Variants in LITAF observed in about 807,000 individuals in gnomAD.
The protein encoded by LITAF is lipopolysaccharide induced TNF factor.
In LITAF, 9 loss-of-function variants were observed where a neutral mutation model predicts 14.5. That is an observed-to-expected ratio of 0.62 (90% CI 0.37 to 1.08). The LOEUF (loss-of-function observed/expected upper bound fraction) is 1.08, where lower values mean the gene tolerates loss of function less well. LITAF is among the 50% of genes least tolerant of loss of function. LITAF has a pLI of 0.01. For synonymous variants in LITAF, 98 were observed against 88.2 expected (o/e 1.11, Z -0.62); for missense variants, 206 against 213.4 (o/e 0.97, Z 0.22).
At chr16:11,555,673 A>G (rs1054736611) in intron 2 of LITAF, among the ~76,000 whole-genome samples, 4 of 149,526 alleles carry the variant, frequency 2.7e-5, no homozygotes, top group Admixed American at 2.0e-4. Flanking sequence ...AAAAAAAAAA[A>G]GAAAAAGAAA....
chr16:11,609,435 A>T (rs1187151241), intron 3 of LITAF, among the ~76,000 whole-genome samples: 2 of 151,908 alleles, frequency 1.3e-5, no homozygotes, highest in African/African-American at 2.4e-5. Flanking sequence ...GCTGGTCTTG[A>T]ACTCCTGACC....
At chr16:11,552,731 T>C (rs1177925962) in intron 3 of LITAF, among the ~76,000 whole-genome samples, 3 of 152,104 alleles carry the variant, frequency 2.0e-5, no homozygotes, top group Non-Finnish European at 4.4e-5. Flanking sequence ...TTCAGAACAC[T>C]GGGGAGCGTG....
At chr16:11,582,107 A>G (rs1380662203) in intron 1 of LITAF, among the ~76,000 whole-genome samples, 1 of 152,172 alleles carries the variant, frequency 6.6e-6, no homozygotes, top group African/African-American at 2.4e-5. Flanking sequence ...TCACAACACA[A>G]AGAAATGATA....
intron 1 of LITAF, among the ~76,000 whole-genome samples, chr16:11,594,746 C>T (rs919127698): frequency 2.0e-5 from 3 of 151,794 alleles, no homozygotes; most frequent in Non-Finnish European, 2.9e-5. Context: ...CATGGTGGCT[C>T]GTGCCTGTAA....
rs1023912420 is a variant in LITAF at position 11,558,932 on chromosome 16, C to T, written c.-5-2197G>A. 2.0e-5 allele frequency among the ~76,000 whole-genome samples: 3 copies of T among 152,008 alleles called. No individual in the cohort carries two copies. The highest frequency in any genetic ancestry group is 6.6e-5 in the Admixed American group (1 of 15,242). ...TGCCCAATATAGCAGCCACCAGTCA[C>T]GTAAGGTTATTGGGCGTCTAAAATG... On this transcript the variant is annotated intron_variant, in intron 1 of 3. Transcript: ENST00000622633. This position sits in a 1 kb window ranked among gnomAD's most constrained non-coding sequence, Gnocchi z 4.1.
At chr16:11,550,625 G>A (rs553721619) in intron 3 of LITAF, among the ~76,000 whole-genome samples, 5 of 152,186 alleles carry the variant, frequency 3.3e-5, no homozygotes, top group African/African-American at 1.2e-4. Flanking sequence ...TTTTGCAAAG[G>A]GACAGATAGT....
chr16:11,603,782 C>G (rs563562968), intron 3 of LITAF, among the ~76,000 whole-genome samples: 1 of 152,230 alleles, frequency 6.6e-6, no homozygotes, highest in Admixed American at 6.5e-5. Context: ...CAGGGGCTCA[C>G]GCCTGTAATC....
chr16:11,639,338 G>A (rs559089831), upstream of LITAF, among the ~76,000 whole-genome samples: 12 of 149,228 alleles, frequency 8.0e-5, no homozygotes, highest in African/African-American at 2.2e-4. Flanking sequence ...ATGGGTAGAC[G>A]AATGAATGAT....
chr16:11,575,739 G>A (rs1031595781), intron 1 of LITAF, among the ~76,000 whole-genome samples: 4 of 152,142 alleles, frequency 2.6e-5, no homozygotes, highest in Admixed American at 6.5e-5. Flanking sequence ...GTCTTCTCCC[G>A]AGAACACAAA....
At chr16:11,623,439 A>C (rs994399758) in intron 3 of LITAF, among the ~76,000 whole-genome samples, 2 of 151,590 alleles carry the variant, frequency 1.3e-5, no homozygotes, top group Admixed American at 1.3e-4. Flanking sequence ...AGGCGGACAG[A>C]TTACGAGGTC....
rs1419087299 is a variant in LITAF, at chr16:11,586,875, G to C, written c.-6+11C>G. ...GGTCCCCGCGCCCCGGCGTCCCCGCGCCGCACTCACCGCCGCCCGCGCCGC... is the reference window on the plus strand; with the variant it reads ...GGTCCCCGCGCCCCGGCGTCCCCGCCCCGCACTCACCGCCGCCCGCGCCGC... On this transcript the variant is annotated intron_variant, in intron 1 of 3. Transcript: ENST00000622633. The surrounding 1 kb of genome is among the most constrained non-coding windows in gnomAD (Gnocchi z 6.5). 1 of 152,010 alleles carries C rather than the reference G, an allele frequency of 6.6e-6. No homozygotes were observed. The highest frequency in any genetic ancestry group is 6.6e-5 in the Admixed American group (1 of 15,158). 9.4% of individuals were successfully genotyped at this position (152,010 alleles called of 1,614,324 possible).
chr16:11,553,653 G>A lies in LITAF; in HGVS notation c.257C>T (p.Thr86Ile), dbSNP rs772377668. ...CATTTGGATAGGGCGGTCCAAAAAG[G>A]TGATGGGGTGCTGCACGTAGACCGT... ...VQTVYVQHPITFLDRPIQMCC... is the reference protein window; with the variant it reads ...VQTVYVQHPIIFLDRPIQMCC... Residue 86 changes from threonine (T) to isoleucine (I), a missense_variant, in exon 3 of 4, where the codon ACC becomes ATC. Physicochemically the swap from Thr to Ile is moderately conservative, Grantham distance 89 (BLOSUM62 -1). Coordinates refer to ENST00000622633, the MANE Select transcript of LITAF (RefSeq NM_001136472.2). The surrounding 1 kb of genome is among the most constrained non-coding windows in gnomAD (Gnocchi z 7.7). The A allele has an allele frequency of 1.2e-6, 2 of 1,614,160 alleles. No individual in the cohort carries two copies. Among genetic ancestry groups the A allele is most frequent in the Non-Finnish European group, 1.7e-6 (2 of 1,180,032 alleles).
chr16:11,571,302 G>A (rs1203068834), intron 1 of LITAF, among the ~76,000 whole-genome samples: 2 of 152,158 alleles, frequency 1.3e-5, no homozygotes, highest in Non-Finnish European at 2.9e-5. Context: ...CTTAACCTCA[G>A]GTGATTCGCC....
chr16:11,566,393 T>C (rs1485784991), intron 1 of LITAF, among the ~76,000 whole-genome samples: 2 of 152,198 alleles, frequency 1.3e-5, no homozygotes, highest in East Asian at 1.9e-4. Flanking sequence ...TTGGTCACTC[T>C]GGTACTTCAA....
upstream of LITAF, among the ~76,000 whole-genome samples, chr16:11,602,634 T>C (rs1431993605): frequency 6.6e-6 from 1 of 152,026 alleles, no homozygotes; most frequent in Non-Finnish European, 1.5e-5. Flanking sequence ...TGGAATGGAA[T>C]AGACTACACA....
intron 1 of LITAF, among the ~76,000 whole-genome samples, chr16:11,580,033 A>C (rs2064708494): frequency 6.6e-6 from 1 of 152,232 alleles, no homozygotes; most frequent in African/African-American, 2.4e-5. Flanking sequence ...CCAAAATCTG[A>C]AACTTTTTGA....
upstream of LITAF, among the ~76,000 whole-genome samples, chr16:11,637,932 C>CTA (rs1555475640): frequency 2.4e-5 from 1 of 41,058 alleles, no homozygotes; most frequent in African/African-American, 1.4e-4. Flanking sequence ...ATATCTATAT[C>CTA]TATATCTATA....
At chr16:11,612,905 C>G (rs2064991676) in intron 3 of LITAF, among the ~76,000 whole-genome samples, 1 of 152,190 alleles carries the variant, frequency 6.6e-6, no homozygotes, top group African/African-American at 2.4e-5. Flanking sequence ...CCTGTGTCCC[C>G]CTAGAATCTT....
intron 3 of LITAF, among the ~76,000 whole-genome samples, chr16:11,628,297 T>C (rs2065096817): frequency 6.6e-6 from 1 of 152,134 alleles, no homozygotes; most frequent in Non-Finnish European, 1.5e-5. Flanking sequence ...TTTTCCATGT[T>C]TGCGTGTCTC....
Sources: allele counts gnomAD v4.1 joint callset (sites outside exome capture counted in the v4.1 genomes callset), GRCh38; gene constraint gnomAD v4.1.1; non-coding constraint Gnocchi (gnomAD v3.1); transcripts MANE v1.5; gene names NCBI Gene and HGNC (gene_info 2026-07-23, HGNC 2026-07-21).